Variants in ATP8A2 observed in about 807,000 individuals in gnomAD.
The protein encoded by ATP8A2 is phospholipid-transporting ATPase IB.
A neutral mutation model predicts 165.6 loss-of-function variants in ATP8A2; 100 were observed. The ratio of observed to expected loss-of-function variants is 0.60; its 90% CI spans 0.51 to 0.71. ATP8A2 has a LOEUF of 0.71. ATP8A2 is among the 30% of genes least tolerant of loss of function. The pLI is 0.00. For missense variants in ATP8A2, 1,227 were observed against 1,479.5 expected (o/e 0.83, Z 2.80); for synonymous variants, 543 against 548.8 (o/e 0.99, Z 0.15).
chr13:25,768,113 T>G, intron 25 of ATP8A2, among the ~76,000 whole-genome samples: 1 of 151,396 alleles, frequency 6.6e-6, no homozygotes, highest in African/African-American at 2.4e-5. Context: ...GCTGTTTAAG[T>G]GATCCAAAAG....
intron 24 of ATP8A2, among the ~76,000 whole-genome samples, chr13:25,628,384 A>G (rs1049620971): frequency 3.3e-5 from 5 of 152,176 alleles, no homozygotes; most frequent in Admixed American, 2.6e-4. Flanking sequence ...CTCCAAGCCC[A>G]CAGCCATTAC....
chr13:25,655,586 T>C lies in ATP8A2; in HGVS notation c.2212-43587T>C, dbSNP rs540035371. Among the ~76,000 whole-genome samples the C allele has an allele frequency of 9.2e-5, 14 of 152,202 alleles. No individual in the cohort carries two copies. In the South Asian group the frequency reaches 2.5e-3, roughly 27 times the overall value. The stretch of plus-strand genomic sequence containing the variant: ...CCCTCAACTGTGCTGTTCCCCACAG[T>C]AGAGAGGTAAGACACTCCAGAGGAG... On this transcript the variant is annotated intron_variant, in intron 24 of 36. Transcript: ENST00000381655.
chr13:25,411,932 T>G (rs2033977703), intron 1 of ATP8A2, among the ~76,000 whole-genome samples: 1 of 152,208 alleles, frequency 6.6e-6, no homozygotes, highest in Non-Finnish European at 1.5e-5. Flanking sequence ...CCCAAACTCT[T>G]CTCCTCCTAA....
At chr13:25,580,749 G>A (rs915447276) in intron 22 of ATP8A2, among the ~76,000 whole-genome samples, 1 of 152,096 alleles carries the variant, frequency 6.6e-6, no homozygotes, top group African/African-American at 2.4e-5. Flanking sequence ...TCCCAGGCTG[G>A]TCTCAAACTC....
rs1459155454 is a variant in ATP8A2 at position 25,953,016 on chromosome 13, C to T, written c.3184-8559C>T. ...TTGAATGGAAAGAAATTTTAGGAGG[C>T]AACACTGAGGGGCAAGGAGGGCTGA... On this transcript the variant is annotated intron_variant, in intron 33 of 36. Transcript: ENST00000381655. The surrounding 1 kb of genome is among the most constrained non-coding windows in gnomAD (Gnocchi z 6.7). Among the ~76,000 whole-genome samples, 2 of 152,100 alleles carry T rather than the reference C, an allele frequency of 1.3e-5. No individual in the cohort carries two copies. The highest frequency in any genetic ancestry group is 4.8e-5 in the African/African-American group (2 of 41,416).
chr13:25,604,407 G>C (rs2040464992), intron 24 of ATP8A2, among the ~76,000 whole-genome samples: 1 of 152,148 alleles, frequency 6.6e-6, no homozygotes. Flanking sequence ...AGAACAACTG[G>C]AGAAAACAAA....
At chr13:25,769,293 T>G in intron 26 of ATP8A2, 64 bp downstream of exon 26, 4 of 1,521,600 alleles carry the variant, frequency 2.6e-6, no homozygotes, top group Non-Finnish European at 3.6e-6. Context: ...CATGAGGACC[T>G]GGCGTTTAAC....
Position 25,556,569 on chromosome 13 carries a change from G to C in ATP8A2, c.1263+1501G>C, listed in dbSNP as rs1179929723. On this transcript the variant is annotated intron_variant, in intron 13 of 36. Transcript: ENST00000381655. The stretch of plus-strand genomic sequence containing the variant: ...TTTTCTCCCATTCTGTAGGTTGTCT[G>C]TTTACTCTGTTGGTAGTTTCTTTTG... 2.0e-5 allele frequency among the ~76,000 whole-genome samples: 3 copies of C among 152,214 alleles called. No homozygotes were observed. The East Asian group carries it at 5.8e-4, about 29-fold the overall frequency.
intron 36 of ATP8A2, among the ~76,000 whole-genome samples, chr13:26,013,771 G>T (rs1365091317): frequency 6.6e-6 from 1 of 152,176 alleles, no homozygotes; most frequent in Non-Finnish European, 1.5e-5. Flanking sequence ...GTGTTCTGTT[G>T]AGCTCTGCCT....
chr13:25,556,819 G>A (rs541652505), intron 13 of ATP8A2, among the ~76,000 whole-genome samples: 5 of 152,056 alleles, frequency 3.3e-5, no homozygotes, highest in Non-Finnish European at 5.9e-5. Context: ...TGGGGACTTC[G>A]GGTTGTCTGT....
At chr13:25,432,581 A>T (rs9507517) in intron 1 of ATP8A2, among the ~76,000 whole-genome samples, 4 of 151,912 alleles carry the variant, frequency 2.6e-5, no homozygotes, top group Non-Finnish European at 4.4e-5. Context: ...GGGAGGGCTC[A>T]GAGCTCCTAG....
rs1229327243 is a variant in ATP8A2, at chr13:25,740,308, CAAAAAAAAAAA to C, written c.2385-28727_2385-28717del. On this transcript the variant is annotated intron_variant, in intron 25 of 36. Coordinates refer to ENST00000381655, the MANE Select transcript of ATP8A2 (RefSeq NM_016529.6). ...TGGGGGACAGAGCAAGGCTCTATCT[CAAAAAAAAAAA>C]AAAAAAAAAAGAGAAAGACATGATT... 7.4e-5 allele frequency among the ~76,000 whole-genome samples: 5 copies of C among 67,512 alleles called. No individual in the cohort carries two copies. In the East Asian group the frequency reaches 2.2e-3, roughly 30 times the overall value. The allele number at this position is 67,512 out of a possible 152,430, so 44.3% of individuals were successfully genotyped here.
intron 24 of ATP8A2, among the ~76,000 whole-genome samples, chr13:25,682,305 C>G (rs1362284434): frequency 2.0e-5 from 3 of 152,048 alleles, no homozygotes; most frequent in Middle Eastern, 3.2e-3. Flanking sequence ...CTGCAAACAC[C>G]TTATAGTTTT....
At chr13:25,647,243 A>C (rs941153100) in intron 24 of ATP8A2, among the ~76,000 whole-genome samples, 11 of 152,168 alleles carry the variant, frequency 7.2e-5, no homozygotes, top group African/African-American at 2.7e-4. Flanking sequence ...CTTTTGTTTC[A>C]GCTTAAAAAA....
chr13:25,405,492 C>A (rs1448172608), intron 1 of ATP8A2, among the ~76,000 whole-genome samples: 1 of 152,174 alleles, frequency 6.6e-6, no homozygotes, highest in African/African-American at 2.4e-5. Flanking sequence ...TCTCAGCCTC[C>A]CAGCAGGTGT....
At chr13:25,605,676 C>T (rs1236797105) in intron 24 of ATP8A2, among the ~76,000 whole-genome samples, 6 of 152,082 alleles carry the variant, frequency 3.9e-5, no homozygotes, top group South Asian at 2.1e-4. Flanking sequence ...TTTTTTCTCT[C>T]GTAGCTGAGA....
intron 24 of ATP8A2, among the ~76,000 whole-genome samples, chr13:25,674,285 C>T (rs544421059): frequency 6.6e-6 from 1 of 150,844 alleles, no homozygotes; most frequent in African/African-American, 2.4e-5. Context: ...AAAACTAAAT[C>T]TATAAGGACC....
At chr13:25,515,353 C>G (rs2037432466) in intron 2 of ATP8A2, among the ~76,000 whole-genome samples, 1 of 152,238 alleles carries the variant, frequency 6.6e-6, no homozygotes, top group Non-Finnish European at 1.5e-5. Context: ...GACACAATGA[C>G]ACTCTTATTA....
At chr13:25,655,419 A>C (rs2041906894) in intron 24 of ATP8A2, among the ~76,000 whole-genome samples, 1 of 152,202 alleles carries the variant, frequency 6.6e-6, no homozygotes, top group Non-Finnish European at 1.5e-5. Flanking sequence ...TCGGCCTCCC[A>C]AAGTTTTGGG....
Sources: allele counts gnomAD v4.1 joint callset (sites outside exome capture counted in the v4.1 genomes callset), GRCh38; gene constraint gnomAD v4.1.1; non-coding constraint Gnocchi (gnomAD v3.1); transcripts MANE v1.5; gene names NCBI Gene and HGNC (gene_info 2026-07-23, HGNC 2026-07-21).